NDUFAF6: variants seen among roughly 807,000 people sequenced by gnomAD.
NDUFAF6 encodes the protein NADH:ubiquinone oxidoreductase complex assembly factor 6, also known as NADH dehydrogenase (ubiquinone) complex I, assembly factor 6.
A neutral mutation model predicts 40.8 loss-of-function variants in NDUFAF6; 45 were observed. The ratio of observed to expected loss-of-function variants is 1.10; its 90% CI spans 0.87 to 1.42. The LOEUF is 1.42. NDUFAF6 is among the 40% of genes most tolerant of loss of function. The pLI is 0.00. For synonymous variants in NDUFAF6, 185 were observed against 155.9 expected, an observed-to-expected ratio of 1.19 and a Z score of -1.39; for missense variants, 435 against 418.5, an observed-to-expected ratio of 1.04 and a Z score of -0.34.
chr8:95,029,022 G>A (rs10096455), intron 1 of NDUFAF6, among the ~76,000 whole-genome samples: 22,164 of 152,084 alleles, frequency 0.15, 1,627 homozygotes, highest in Middle Eastern at 0.24. Flanking sequence ...TCTTCTTTTG[G>A]TTTATGTGGC....
At chr8:94,909,055 C>CGAA (rs1818568121) in intron 1 of NDUFAF6, among the ~76,000 whole-genome samples, 1 of 152,022 alleles carries the variant, frequency 6.6e-6, no homozygotes, top group African/African-American at 2.4e-5. Context: ...TTAGGAATTT[C>CGAA]AAAAAGCTGG....
intron 4 of NDUFAF6, among the ~76,000 whole-genome samples, chr8:95,044,141 T>C (rs903903012): frequency 1.3e-5 from 2 of 152,204 alleles, no homozygotes; most frequent in African/African-American, 4.8e-5. Flanking sequence ...CTACATATTA[T>C]ACGATTCCAT....
chr8:95,094,378 CCTTCTTTCTTTTCTTTTCTTTCT>C (rs1164907044), intron 2 of NDUFAF6, among the ~76,000 whole-genome samples: 31 of 28,520 alleles, frequency 1.1e-3, no homozygotes, highest in Admixed American at 4.3e-3. Flanking sequence ...TCTTTTCTTT[CCTTCTTTCTTTTCTTTTCTTTCT>C]TTTTTTTTTT....
rs188256018 is a variant in NDUFAF6, at chr8:95,032,509, A to G, written c.297+415A>G. On this transcript the variant is annotated intron_variant, in intron 2 of 8. Coordinates refer to ENST00000396124, the MANE Select transcript of NDUFAF6 (RefSeq NM_152416.4). ...TTAATATCAGTAGGGAATGAAAGCA[A>G]TTGTAGCAAACCAGGACCTTAGATC... Among the ~76,000 whole-genome samples the G allele has an allele frequency of 2.3e-3, 352 of 152,364 alleles. 2 individuals carry two copies. The highest frequency in any genetic ancestry group is 4.0e-3 in the Non-Finnish European group (270 of 68,026).
chr8:95,107,207 A>C (rs1809864924), downstream of NDUFAF6, among the ~76,000 whole-genome samples: 1 of 152,236 alleles, frequency 6.6e-6, no homozygotes, highest in Non-Finnish European at 1.5e-5. Context: ...AGCACTGTTC[A>C]CAATAGCAAA....
At chr8:95,068,504 G>A (rs1241217341) in intron 9 of NDUFAF6, 2 of 151,864 alleles carry the variant, frequency 1.3e-5, no homozygotes, top group Non-Finnish European at 2.9e-5. Flanking sequence ...AGAAAACTTA[G>A]GGAATCAAGT....
At chr8:95,004,843 G>A (rs892726813) in intron 2 of NDUFAF6, among the ~76,000 whole-genome samples, 5 of 152,310 alleles carry the variant, frequency 3.3e-5, no homozygotes, top group Non-Finnish European at 5.9e-5. Context: ...CATCTGTTCT[G>A]TGAGGGCAGG....
chr8:94,982,157 AGGAG>A (rs1263535083), intron 2 of NDUFAF6, among the ~76,000 whole-genome samples: 3 of 152,094 alleles, frequency 2.0e-5, no homozygotes, highest in Admixed American at 1.3e-4. Context: ...GCGTGAACCC[AGGAG>A]GCAGAGCTTG....
At chr8:94,960,392 A>G (rs149936245) in intron 1 of NDUFAF6, among the ~76,000 whole-genome samples, 18 of 151,876 alleles carry the variant, frequency 1.2e-4, no homozygotes, top group African/African-American at 4.3e-4. Context: ...AAATGTAGAT[A>G]TGACTGGGAC....
chr8:94,914,801 C>T (rs1284978705), intron 1 of NDUFAF6, among the ~76,000 whole-genome samples: 1 of 151,466 alleles, frequency 6.6e-6, no homozygotes, highest in Non-Finnish European at 1.5e-5. Flanking sequence ...CCTGTAATCC[C>T]AGCTACCTGG....
At chr8:94,991,983 G>T (rs553668756) in intron 2 of NDUFAF6, among the ~76,000 whole-genome samples, 6 of 152,200 alleles carry the variant, frequency 3.9e-5, no homozygotes, top group Admixed American at 2.0e-4. Flanking sequence ...TATCTAAAGG[G>T]TTTATACATT....
chr8:94,960,923 T>C (rs1823512577), intron 1 of NDUFAF6, among the ~76,000 whole-genome samples: 1 of 152,234 alleles, frequency 6.6e-6, no homozygotes, highest in South Asian at 2.1e-4. Flanking sequence ...CTACATAAAC[T>C]GTGACAAGGC....
chr8:94,911,979 T>C (rs1818813815), intron 1 of NDUFAF6, among the ~76,000 whole-genome samples: 1 of 152,236 alleles, frequency 6.6e-6, no homozygotes, highest in Non-Finnish European at 1.5e-5. Context: ...ATGACAGTGC[T>C]GCATTATTAG....
chr8:94,926,011 CTG>C (rs780539011), intron 1 of NDUFAF6: 5 of 152,746 alleles, frequency 3.3e-5, no homozygotes, highest in Admixed American at 2.6e-4. Context: ...AGATTGAAAA[CTG>C]TAACTCCAGG....
rs142147073 is a variant in NDUFAF6, at chr8:95,032,072, C to T, written c.275C>T (p.Ala92Val). The change falls in exon 2 of 9, where the codon GCC (alanine) becomes GTC (valine). Residue 92 changes from alanine to valine, a missense_variant. Coordinates refer to ENST00000396124, the MANE Select transcript of NDUFAF6 (RefSeq NM_152416.4). Reference protein sequence around the residue: ...ESRSSVFALRAFNVELAQVKD... With the variant: ...ESRSSVFALRVFNVELAQVKD... ...CGAAGCTCTGTTTTTGCACTGAGGGCCTTTAATGTGGAACTGGCTCAGGCT... is the reference window on the plus strand; with the variant it reads ...CGAAGCTCTGTTTTTGCACTGAGGGTCTTTAATGTGGAACTGGCTCAGGCT... The T allele has an allele frequency of 1.5e-4, 239 of 1,613,918 alleles. 1 individual carries two copies. Among genetic ancestry groups the T allele is most frequent in the Non-Finnish European group, 1.9e-4 (224 of 1,179,980 alleles).
intron 2 of NDUFAF6, among the ~76,000 whole-genome samples, chr8:94,995,758 CTCAGTGT>C (rs1190093869): frequency 5.3e-5 from 8 of 152,304 alleles, no homozygotes; most frequent in African/African-American, 1.9e-4. Flanking sequence ...CCTGACTTCC[CTCAGTGT>C]TCCAGGCTAC....
At chr8:94,990,225 A>G (rs1826134858) in intron 2 of NDUFAF6, among the ~76,000 whole-genome samples, 2 of 152,164 alleles carry the variant, frequency 1.3e-5, no homozygotes, top group South Asian at 4.1e-4. Context: ...AGGACAACAC[A>G]TATATAAGGT....
chr8:95,088,791 C>A (rs1809147361), intron 2 of NDUFAF6, among the ~76,000 whole-genome samples: 1 of 151,692 alleles, frequency 6.6e-6, no homozygotes, highest in Non-Finnish European at 1.5e-5. Flanking sequence ...GACAGCGTCT[C>A]ACTTTGTCAC....
chr8:94,952,266 A>G (rs1822688180), intron 2 of NDUFAF6, among the ~76,000 whole-genome samples: 1 of 152,276 alleles, frequency 6.6e-6, no homozygotes, highest in Non-Finnish European at 1.5e-5. Context: ...GGCTGTGGCC[A>G]TAACCCTGCC....
Sources: allele counts gnomAD v4.1 joint callset (sites outside exome capture counted in the v4.1 genomes callset), GRCh38; gene constraint gnomAD v4.1.1; transcripts MANE v1.5; gene names NCBI Gene and HGNC (gene_info 2026-07-23, HGNC 2026-07-21).